Variants in DCC observed in about 807,000 individuals in gnomAD.
The protein encoded by DCC is DCC netrin 1 receptor.
In DCC, 58 loss-of-function variants were observed where a neutral mutation model predicts 172.5. That is an observed-to-expected ratio of 0.34 (90% CI 0.27 to 0.42). DCC has a LOEUF of 0.42. Among genes scored for constraint, DCC ranks in the 10% least tolerant of loss-of-function variants. The pLI is 1.00. For missense variants in DCC, 1,740 were observed against 1,791.0 expected (o/e 0.97, Z 0.51); for synonymous variants, 709 against 644.5 (o/e 1.10, Z -1.52).
intron 12 of DCC, among the ~76,000 whole-genome samples, chr18:53,287,857 A>T (rs1326063122): frequency 6.6e-6 from 1 of 152,172 alleles, no homozygotes; most frequent in Non-Finnish European, 1.5e-5. Flanking sequence ...AGAGACTATT[A>T]AAAAAGTAGC....
chr18:53,449,332 C>T (rs550754758), intron 22 of DCC, among the ~76,000 whole-genome samples: 7 of 152,230 alleles, frequency 4.6e-5, no homozygotes, highest in South Asian at 2.1e-4. Flanking sequence ...AAGAAAGCTA[C>T]GTCAAGGGTC....
In DCC at chr18:53,428,976, TATATATATTTTATATATTTTTTATATA is replaced by T. The variant is rs1225648700; in HGVS notation, c.3164-6123_3164-6097del. ...AACATATTATATTTTATATATAACA[TATATATATTTTATATATTTTTTATATA>T]ATATATATTTTATATATTTTTTATA... On this transcript the variant is annotated intron_variant, in intron 21 of 28. Transcript: ENST00000442544. 8.5e-4 allele frequency among the ~76,000 whole-genome samples: 59 copies of T among 69,144 alleles called. 5 individuals carry two copies. Among genetic ancestry groups the T allele is most frequent in the African/African-American group, 2.8e-3 (52 of 18,396 alleles). The allele number at this position is 69,144 out of a possible 152,430, so 45.4% of individuals were successfully genotyped here. A position where few individuals can be genotyped will look rare whatever the true frequency, so the allele number is the denominator to read the frequency against.
intron 1 of DCC, among the ~76,000 whole-genome samples, chr18:52,580,318 C>A (rs974843295): frequency 6.6e-6 from 1 of 152,110 alleles, no homozygotes; most frequent in African/African-American, 2.4e-5. Context: ...AGTGCAGTGG[C>A]GCGATCTCGG....
chr18:53,070,151 ATTTG>A (rs953012515), intron 7 of DCC, among the ~76,000 whole-genome samples: 5 of 151,518 alleles, frequency 3.3e-5, no homozygotes, highest in African/African-American at 9.7e-5. Flanking sequence ...AGCTAATTTT[ATTTG>A]TTTATTTATT....
At chr18:53,145,405 A>G (rs764501043) in intron 7 of DCC, among the ~76,000 whole-genome samples, 7 of 151,500 alleles carry the variant, frequency 4.6e-5, no homozygotes, top group Admixed American at 6.6e-5. Flanking sequence ...GAGCCACCGC[A>G]CCCAGCCCAG....
chr18:53,451,536 A>C (rs2045412630), intron 23 of DCC, among the ~76,000 whole-genome samples: 1 of 151,960 alleles, frequency 6.6e-6, no homozygotes, highest in African/African-American at 2.4e-5. Context: ...CTCTTCCATG[A>C]GTTTTTGGTT....
chr18:52,407,851 T>C (rs550669097), intron 1 of DCC, among the ~76,000 whole-genome samples: 15 of 152,222 alleles, frequency 9.9e-5, no homozygotes, highest in South Asian at 8.3e-4. Flanking sequence ...AAAATACCCA[T>C]GGCCTACATT....
intron 12 of DCC, among the ~76,000 whole-genome samples, chr18:53,222,156 A>T (rs1456468008): frequency 6.6e-6 from 1 of 152,172 alleles, no homozygotes; most frequent in Non-Finnish European, 1.5e-5. Flanking sequence ...CATGAATTAG[A>T]GGAATAATAA....
rs116030799 is a variant in DCC, at chr18:53,066,179, G to A, written c.1261+13G>A. Reference sequence around the variant, plus strand: ...GTCCCTAAGCCTGGTAAGACAATGGGAACCTTGCTTTGGTACCTGGAATGA... The same window carrying A: ...GTCCCTAAGCCTGGTAAGACAATGGAAACCTTGCTTTGGTACCTGGAATGA... On this transcript the variant is annotated intron_variant, in intron 7 of 28. Transcript: ENST00000442544. 1.9e-6 allele frequency: 3 copies of A among 1,611,948 alleles called. No homozygotes were observed. The highest frequency in any genetic ancestry group is 2.7e-5 in the African/African-American group (2 of 74,930).
At chr18:53,158,983 C>A (rs2054791943) in intron 8 of DCC, among the ~76,000 whole-genome samples, 3 of 49,198 alleles carry the variant, frequency 6.1e-5, no homozygotes, top group Non-Finnish European at 7.7e-5. Flanking sequence ...ACAGAGACGC[C>A]ATCTCAAAAA....
chr18:53,052,531 G>A (rs2042347213), intron 5 of DCC, among the ~76,000 whole-genome samples: 1 of 152,008 alleles, frequency 6.6e-6, no homozygotes, highest in African/African-American at 2.4e-5. Flanking sequence ...TGTAGTATAG[G>A]TTACTTCTAG....
intron 8 of DCC, among the ~76,000 whole-genome samples, chr18:53,173,367 A>G (rs188454566): frequency 1.3e-5 from 2 of 152,212 alleles, no homozygotes; most frequent in Non-Finnish European, 2.9e-5. Context: ...CTTTTTCTCT[A>G]TTGTGGTAAA....
At chr18:52,385,768 A>C (rs889711842) in intron 1 of DCC, among the ~76,000 whole-genome samples, 2 of 152,050 alleles carry the variant, frequency 1.3e-5, no homozygotes, top group African/African-American at 4.8e-5. Flanking sequence ...TTTTTCTCTT[A>C]AGTAATTCCA....
At chr18:53,519,280 A>G (rs534167345) in intron 27 of DCC, among the ~76,000 whole-genome samples, 1 of 152,222 alleles carries the variant, frequency 6.6e-6, no homozygotes, top group Admixed American at 6.5e-5. Context: ...ATGCTTCCTC[A>G]GTATCTGGAA....
intron 1 of DCC, among the ~76,000 whole-genome samples, chr18:52,446,460 T>C (rs995133055): frequency 1.3e-5 from 2 of 152,194 alleles, no homozygotes; most frequent in Non-Finnish European, 2.9e-5. Flanking sequence ...ATCAACTACT[T>C]CTCTAGATCA....
intron 2 of DCC, among the ~76,000 whole-genome samples, chr18:52,787,738 A>G (rs2037686120): frequency 6.6e-6 from 1 of 152,144 alleles, no homozygotes; most frequent in Non-Finnish European, 1.5e-5. Flanking sequence ...GTTAAATGTT[A>G]GAGATTTAAA....
chr18:52,846,606 C>CG (rs2038894723), intron 2 of DCC, among the ~76,000 whole-genome samples: 4 of 99,502 alleles, frequency 4.0e-5, no homozygotes, highest in Admixed American at 2.3e-4. Flanking sequence ...TCTGCCACTC[C>CG]AAACACACAC....
At chr18:52,778,407 A>G (rs1448094959) in intron 2 of DCC, among the ~76,000 whole-genome samples, 1 of 152,208 alleles carries the variant, frequency 6.6e-6, no homozygotes, top group African/African-American at 2.4e-5. Flanking sequence ...CTATTTCACT[A>G]TTAAACTCTG....
intron 11 of DCC, among the ~76,000 whole-genome samples, chr18:53,209,296 C>T (rs1345925774): frequency 1.3e-5 from 2 of 152,090 alleles, no homozygotes; most frequent in Non-Finnish European, 2.9e-5. Flanking sequence ...AAATAAAATA[C>T]ATCAAAGTAT....
Sources: gnomAD v4.1 joint callset for allele counts (sites outside exome capture counted in the v4.1 genomes callset) on GRCh38, gnomAD v4.1.1 for gene constraint, MANE v1.5 for transcripts, NCBI Gene and HGNC (gene_info 2026-07-23, HGNC 2026-07-21) for gene names.